FOXP1: variants seen among roughly 807,000 people sequenced by gnomAD.
FOXP1 encodes the protein forkhead box P1.
A neutral mutation model predicts 98.2 loss-of-function variants in FOXP1; 15 were observed. The ratio of observed to expected loss-of-function variants is 0.15; its 90% confidence interval spans 0.10 to 0.24. The LOEUF (loss-of-function observed/expected upper bound fraction) is 0.24, where lower values mean the gene tolerates loss of function less well. FOXP1 is among the 10% of genes least tolerant of loss of function. The pLI, the probability that FOXP1 is intolerant of heterozygous loss-of-function variation, is 1.00. For synonymous variants in FOXP1, 371 were observed against 314.5 expected (o/e 1.18, Z -1.90); for missense variants, 633 against 848.5 (o/e 0.75, Z 3.15).
chr3:71,472,885 C>T (rs1007466866), intron 3 of FOXP1, among the ~76,000 whole-genome samples: 1 of 152,180 alleles, frequency 6.6e-6, no homozygotes, highest in African/African-American at 2.4e-5. Context: ...AGGCATTGCA[C>T]TCCAGGGCAC....
In FOXP1 at chr3:71,086,463, G is replaced by T. The variant is rs985527591; in HGVS notation, c.282+26073C>A. Among the ~76,000 whole-genome samples, 4 of 152,200 alleles carry T rather than the reference G, an allele frequency of 2.6e-5. No individual in the cohort carries two copies. The South Asian group carries it at 8.3e-4, about 31-fold the overall frequency. ...CATCATTATTATGCAATGTACCGGG[G>T]GGAAAGGGAGCACATTTGATAAATG... is the stretch of plus-strand genomic sequence containing the variant. On this transcript the variant is annotated intron_variant, in intron 7 of 20. Transcript: ENST00000649528.
chr3:71,023,845 G>A (rs565710891), intron 11 of FOXP1, among the ~76,000 whole-genome samples: 82 of 152,242 alleles, frequency 5.4e-4, no homozygotes, highest in African/African-American at 1.8e-3. Flanking sequence ...TCATTAGCTC[G>A]AATGAAATAT....
chr3:71,197,694 T>C (rs1480243998), intron 6 of FOXP1, among the ~76,000 whole-genome samples: 1 of 152,220 alleles, frequency 6.6e-6, no homozygotes, highest in African/African-American at 2.4e-5. Context: ...CCTACAGTGA[T>C]GCCCGTGTTC....
intron 2 of FOXP1, among the ~76,000 whole-genome samples, chr3:71,567,052 AG>A (rs1197983957): frequency 1.3e-5 from 2 of 152,214 alleles, no homozygotes; most frequent in Non-Finnish European, 2.9e-5. Flanking sequence ...TGATGAGGAT[AG>A]GAAAAAAGAG....
intron 2 of FOXP1, among the ~76,000 whole-genome samples, chr3:71,501,137 A>G (rs1388977991): frequency 1.3e-5 from 2 of 152,058 alleles, no homozygotes; most frequent in Admixed American, 6.6e-5. Context: ...GGTTGTAGTG[A>G]GCCCAGATCA....
intron 2 of FOXP1, among the ~76,000 whole-genome samples, chr3:71,516,369 T>A (rs2042581681): frequency 6.6e-6 from 1 of 152,136 alleles, no homozygotes; most frequent in Admixed American, 6.5e-5. Context: ...CCAAGTATAA[T>A]CAATTGGTAA....
Position 71,396,982 on chromosome 3 carries a change from GTGTATATATATACACATATATA to G in FOXP1, c.-167-37760_-167-37739del, listed in dbSNP as rs1461985296. On this transcript the variant is annotated intron_variant, in intron 3 of 20. Coordinates refer to ENST00000649528, the MANE Select transcript of FOXP1 (RefSeq NM_001349338.3). The stretch of plus-strand genomic sequence containing the variant: ...TATATATGTGTGTATATATATATAT[GTGTATATATATACACATATATA>G]TGTGTATATATATATATATACATAT... Among the ~76,000 whole-genome samples the G allele has an allele frequency of 2.1e-3, 90 of 42,742 alleles. 22 individuals carry two copies. Among genetic ancestry groups the G allele is most frequent in the East Asian group, 4.4e-3 (13 of 2,986 alleles). The allele number at this position is 42,742 out of a possible 152,430, so 28.0% of individuals were successfully genotyped here.
intron 2 of FOXP1, among the ~76,000 whole-genome samples, chr3:71,566,304 G>A (rs532108200): frequency 2.6e-5 from 4 of 152,310 alleles, no homozygotes; most frequent in East Asian, 3.9e-4. Flanking sequence ...CATTGAAAAC[G>A]GTGAGTGGAT....
intron 18 of FOXP1, chr3:70,972,230 G>T (rs748475611): frequency 6.9e-7 from 1 of 1,448,252 alleles, no homozygotes; most frequent in East Asian, 2.5e-5. Flanking sequence ...AAAAGGAGAC[G>T]GGGTTGGGGG....
Position 71,199,633 on chromosome 3 carries a change from G to A in FOXP1, c.-11-1241C>T, listed in dbSNP as rs145656562. On this transcript the variant is annotated intron_variant, in intron 5 of 20. Coordinates refer to ENST00000649528, the MANE Select transcript of FOXP1 (RefSeq NM_001349338.3). ...CAGGTGCCTCTAATCCCAGCTACTC[G>A]GGAAGCTGAGGCATGAGAATTGCTT... 2.1e-4 allele frequency among the ~76,000 whole-genome samples: 32 copies of A among 151,714 alleles called. No individual in the cohort carries two copies. The East Asian group carries it at 5.9e-3, about 28-fold the overall frequency.
rs868317160 is a variant in FOXP1, at chr3:71,182,504, G to A, written c.180+15698C>T. 4.1e-3 allele frequency among the ~76,000 whole-genome samples: 564 copies of A among 138,148 alleles called. 5 individuals carry two copies. The highest frequency in any genetic ancestry group is 0.015 in the African/African-American group (540 of 36,062). The allele number at this position is 138,148 out of a possible 152,430, so 90.6% of individuals were successfully genotyped here. ...ACAGAAAAGTGTAAACTATATATATGTGTGTGTGTGTGTGTGTGTGTGTGT... is the reference window on the plus strand; with the variant it reads ...ACAGAAAAGTGTAAACTATATATATATGTGTGTGTGTGTGTGTGTGTGTGT... On this transcript the variant is annotated intron_variant, in intron 6 of 20. Coordinates refer to ENST00000649528, the MANE Select transcript of FOXP1 (RefSeq NM_001349338.3).
At chr3:71,237,631 T>C (rs1439034512) in intron 5 of FOXP1, among the ~76,000 whole-genome samples, 3 of 152,234 alleles carry the variant, frequency 2.0e-5, no homozygotes, top group Non-Finnish European at 4.4e-5. Flanking sequence ...GAAAGGAGTA[T>C]CAGGAAGCAC....
intron 6 of FOXP1, among the ~76,000 whole-genome samples, chr3:71,167,979 C>T (rs1395384488): frequency 2.6e-5 from 4 of 152,136 alleles, no homozygotes; most frequent in African/African-American, 7.2e-5. Context: ...AGTAAACAGC[C>T]TTAAGTTATT....
In FOXP1 at chr3:71,170,995, G is replaced by A. The variant is rs545872454; in HGVS notation, c.180+27207C>T. On this transcript the variant is annotated intron_variant, in intron 6 of 20. Coordinates refer to ENST00000649528, the MANE Select transcript of FOXP1 (RefSeq NM_001349338.3). ...TGGTCTTCTTCCAAACCAGGAAGGC[G>A]GGCATGATTCTTCACCTAAAACTAA... 3.9e-5 allele frequency among the ~76,000 whole-genome samples: 6 copies of A among 152,120 alleles called. No homozygotes were observed. The South Asian group carries it at 6.2e-4, about 16-fold the overall frequency.
chr3:71,368,800 A>G (rs2079092647), intron 3 of FOXP1, among the ~76,000 whole-genome samples: 1 of 152,178 alleles, frequency 6.6e-6, no homozygotes, highest in Non-Finnish European at 1.5e-5. Context: ...TGGAAGGTCA[A>G]CTGCACTCCC....
chr3:70,978,144 A>G, intron 14 of FOXP1, 115 bp from the exon 15 acceptor site: 1 of 816,678 alleles, frequency 1.2e-6, no homozygotes, highest in South Asian at 1.4e-5. Context: ...TCCTCTATGT[A>G]GATGGTATGT....
chr3:71,163,722 A>G (rs1246381926), intron 6 of FOXP1, among the ~76,000 whole-genome samples: 8 of 152,200 alleles, frequency 5.3e-5, no homozygotes. Flanking sequence ...TATGTGTAAA[A>G]TTCCAAGTTA....
chr3:71,405,563 T>C (rs2082258853), intron 3 of FOXP1, among the ~76,000 whole-genome samples: 1 of 151,986 alleles, frequency 6.6e-6, no homozygotes, highest in African/African-American at 2.4e-5. Context: ...GGAGGCCAGG[T>C]AGATCTGATT....
chr3:71,212,587 C>A (rs2064569845), intron 5 of FOXP1, among the ~76,000 whole-genome samples: 1 of 152,180 alleles, frequency 6.6e-6, no homozygotes, highest in East Asian at 1.9e-4. Flanking sequence ...AAAACTTGTG[C>A]ATCAGCCACT....
Sources: gnomAD v4.1 joint callset for allele counts (sites outside exome capture counted in the v4.1 genomes callset) on GRCh38, gnomAD v4.1.1 for gene constraint, MANE v1.5 for transcripts, NCBI Gene and HGNC (gene_info 2026-07-23, HGNC 2026-07-21) for gene names.